The following MMP16 variants were observed in gnomAD, a reference collection of about 807,000 sequenced individuals.
MMP16 encodes the protein matrix metalloproteinase-16.
In MMP16, 12 loss-of-function variants were observed where a neutral mutation model predicts 67.8. The ratio of observed to expected loss-of-function variants is 0.18; its 90% CI spans 0.11 to 0.29. The LOEUF is 0.29. Among genes scored for constraint, MMP16 ranks in the 10% least tolerant of loss-of-function variants. The pLI is 1.00. For missense variants in MMP16, 475 were observed against 765.7 expected (o/e 0.62, Z 4.48); for synonymous variants, 249 against 255.9 (o/e 0.97, Z 0.26).
At chr8:88,206,544 G>C (rs1395057731) in intron 1 of MMP16, among the ~76,000 whole-genome samples, 5 of 152,184 alleles carry the variant, frequency 3.3e-5, no homozygotes. Flanking sequence ...CCTGTCCAGG[G>C]TCTGTTCACG....
At chr8:88,316,208 G>A (rs1253477119) in intron 1 of MMP16, among the ~76,000 whole-genome samples, 1 of 152,164 alleles carries the variant, frequency 6.6e-6, no homozygotes, top group African/African-American at 2.4e-5. Flanking sequence ...ACTGCAGCAA[G>A]TTATCCAGAA....
At chr8:88,236,099 G>A (rs1809936044) in intron 1 of MMP16, among the ~76,000 whole-genome samples, 2 of 152,180 alleles carry the variant, frequency 1.3e-5, no homozygotes, top group Admixed American at 6.5e-5. Context: ...GGAAACAGGA[G>A]TTTCATAAAG....
chr8:88,139,676 T>C (rs982040782), intron 4 of MMP16, among the ~76,000 whole-genome samples: 3 of 152,128 alleles, frequency 2.0e-5, no homozygotes, highest in Non-Finnish European at 4.4e-5. Flanking sequence ...TATATAGCCA[T>C]TAATTACTGA....
At chr8:88,285,878 C>CA (rs1563584243) in intron 1 of MMP16, among the ~76,000 whole-genome samples, 14 of 152,228 alleles carry the variant, frequency 9.2e-5, no homozygotes, top group African/African-American at 3.4e-4. Flanking sequence ...TCAAATAAAA[C>CA]GTTTTGCCAT....
intron 1 of MMP16, among the ~76,000 whole-genome samples, chr8:88,211,126 C>G (rs1005530523): frequency 6.6e-6 from 1 of 151,962 alleles, no homozygotes; most frequent in African/African-American, 2.4e-5. Flanking sequence ...GGTGACAAAC[C>G]TAGCCTTTAC....
rs28906383 is a variant in MMP16, at chr8:88,093,954, AT to A, written c.1084-19212del. ...AACAATCTCTACATGCTATATCAGA[AT>A]TGGCCCAACACCCACATTGAATTCT... is the stretch of plus-strand genomic sequence containing the variant. On this transcript the variant is annotated intron_variant, in intron 6 of 9. Coordinates refer to ENST00000286614, the MANE Select transcript of MMP16 (RefSeq NM_005941.5). 3.4e-3 allele frequency among the ~76,000 whole-genome samples: 515 copies of A among 152,012 alleles called. 4 individuals are homozygous for A. The highest frequency in any genetic ancestry group is 0.012 in the African/African-American group (486 of 41,534).
At chr8:88,074,286 C>A (rs574143862) in intron 7 of MMP16, among the ~76,000 whole-genome samples, 9 of 152,122 alleles carry the variant, frequency 5.9e-5, no homozygotes, top group South Asian at 2.1e-4. Context: ...CAAGCAACTC[C>A]AAATACTCCA....
In MMP16 at chr8:88,259,566, C is replaced by T. The variant is rs28904583; in HGVS notation, c.133-62260G>A. On this transcript the variant is annotated intron_variant, in intron 1 of 9. Coordinates refer to ENST00000286614, the MANE Select transcript of MMP16 (RefSeq NM_005941.5). ...ATATGTACAGAAGGATCCACCTTAT[C>T]CTTATGTTTAATAGCCAAGCAAAAA... Among the ~76,000 whole-genome samples the T allele has an allele frequency of 1.8e-3, 267 of 151,076 alleles. 1 individual carries two copies. The highest frequency in any genetic ancestry group is 2.9e-3 in the Non-Finnish European group (199 of 67,876).
chr8:88,207,427 C>T (rs1384356409), intron 1 of MMP16, among the ~76,000 whole-genome samples: 1 of 152,112 alleles, frequency 6.6e-6, no homozygotes, highest in Non-Finnish European at 1.5e-5. Context: ...CACTTAATTG[C>T]ATATCTCAGT....
At chr8:88,307,143 G>A (rs1174406848) in intron 1 of MMP16, among the ~76,000 whole-genome samples, 2 of 152,130 alleles carry the variant, frequency 1.3e-5, no homozygotes, top group Non-Finnish European at 2.9e-5. Flanking sequence ...GGCAAGCAGA[G>A]AACCAAATCA....
At chr8:88,193,516 T>C (rs1314883674) in intron 2 of MMP16, among the ~76,000 whole-genome samples, 1 of 151,982 alleles carries the variant, frequency 6.6e-6, no homozygotes, top group East Asian at 1.9e-4. Flanking sequence ...GAATAAGAGA[T>C]AGTAGTAAAT....
In MMP16 at chr8:88,032,740, T is replaced by C. The variant is rs1404027405; in HGVS notation, c.*8721A>G. Reference sequence around the variant, plus strand: ...AATGCCAGATTTAAGATGGTATAAGTGTATAGAATCCTGTGTGGGAAAAAC... The same window carrying C: ...AATGCCAGATTTAAGATGGTATAAGCGTATAGAATCCTGTGTGGGAAAAAC... On this transcript the variant is annotated 3_prime_UTR_variant, in exon 10 of 10. Coordinates refer to ENST00000286614, the MANE Select transcript of MMP16 (RefSeq NM_005941.5). 1 of 152,072 alleles carries C rather than the reference T, an allele frequency of 6.6e-6. No homozygotes were observed. Among genetic ancestry groups the C allele is most frequent in the African/African-American group, 2.4e-5 (1 of 41,428 alleles). 9.4% of individuals were successfully genotyped at this position (152,072 alleles called of 1,614,324 possible).
At chr8:88,184,298 A>G (rs568511697) in intron 3 of MMP16, among the ~76,000 whole-genome samples, 1 of 152,142 alleles carries the variant, frequency 6.6e-6, no homozygotes, top group African/African-American at 2.4e-5. Flanking sequence ...CTTTTAAGAT[A>G]TATTTTAGTT....
intron 1 of MMP16, among the ~76,000 whole-genome samples, chr8:88,253,846 T>C (rs1451542095): frequency 6.7e-6 from 1 of 149,312 alleles, no homozygotes; most frequent in Non-Finnish European, 1.5e-5. Flanking sequence ...TTTCTTCTAA[T>C]TTTTTTTTTG....
intron 7 of MMP16, among the ~76,000 whole-genome samples, chr8:88,059,984 T>TAAA (rs367848525): frequency 7.4e-5 from 10 of 135,164 alleles, no homozygotes; most frequent in African/African-American, 2.7e-4. Context: ...TGAGAAGAGA[T>TAAA]AAAAAAAAAA....
intron 1 of MMP16, among the ~76,000 whole-genome samples, chr8:88,232,637 T>C (rs1809880066): frequency 6.6e-6 from 1 of 152,210 alleles, no homozygotes; most frequent in South Asian, 2.1e-4. Context: ...GTCCTTTAAA[T>C]ATCTGGTGTT....
rs375622562 is a variant in MMP16 at position 88,195,788 on chromosome 8, AGTT to A, written c.281+1367_281+1369del. Among the ~76,000 whole-genome samples, 80 of 152,272 alleles carry A rather than the reference AGTT, an allele frequency of 5.3e-4. No homozygotes were observed. In the East Asian group the frequency reaches 0.015, roughly 29 times the overall value. On this transcript the variant is annotated intron_variant, in intron 2 of 9. Transcript: ENST00000286614. ...TTCTGTTTTCCAAGATGTAGATCAA[AGTT>A]AATATTTATGCATCTCTCAAAAGTA...
intron 1 of MMP16, among the ~76,000 whole-genome samples, chr8:88,317,989 AAAAT>A (rs1224939663): frequency 2.0e-5 from 3 of 152,198 alleles, no homozygotes; most frequent in African/African-American, 7.2e-5. Context: ...TAAAAACAAT[AAAAT>A]AAATATATTT....
intron 6 of MMP16, among the ~76,000 whole-genome samples, chr8:88,088,084 A>ATATACAATAGATATCTATATATC (rs1808871511): frequency 8.8e-6 from 1 of 113,764 alleles, no homozygotes; most frequent in Non-Finnish European, 1.8e-5. Context: ...CTATATATCT[A>ATATACAATAGATATCTATATATC]TATATAATAG....
Sources: allele counts gnomAD v4.1 joint callset (sites outside exome capture counted in the v4.1 genomes callset), GRCh38; gene constraint gnomAD v4.1.1; transcripts MANE v1.5; gene names NCBI Gene and HGNC (gene_info 2026-07-23, HGNC 2026-07-21).